GPHN: variants seen among roughly 807,000 people sequenced by gnomAD.
GPHN encodes the protein gephyrin.
Under a neutral mutation model 95.5 loss-of-function variants are expected in GPHN, and 17 were observed. That is an observed-to-expected ratio of 0.18 (90% CI 0.12 to 0.27). The LOEUF is 0.27. Among genes scored for constraint, GPHN ranks in the 10% least tolerant of loss-of-function variants. GPHN has a pLI of 1.00. For synonymous variants in GPHN, 320 were observed against 322.5 expected (o/e 0.99, Z 0.08); for missense variants, 660 against 978.1 (o/e 0.67, Z 4.34).
intron 1 of GPHN, among the ~76,000 whole-genome samples, chr14:66,585,152 C>A (rs1013040697): frequency 6.6e-6 from 1 of 152,126 alleles, no homozygotes. Context: ...TCCATTTCTT[C>A]TAGATTTTCT....
chr14:66,679,595 T>C (rs2153393748), intron 1 of GPHN, among the ~76,000 whole-genome samples: 1 of 152,350 alleles, frequency 6.6e-6, no homozygotes. Flanking sequence ...AAGTGTTTAA[T>C]TCCCACATAT....
the GPHN span, among the ~76,000 whole-genome samples, chr14:67,420,785 T>G: frequency 6.6e-6 from 1 of 152,224 alleles, no homozygotes; most frequent in Non-Finnish European, 1.5e-5. Context: ...CACAGTAGGG[T>G]GAAGGCAAAT....
chr14:67,143,256 C>G, intron 17 of GPHN, 106 bp from the exon 18 acceptor site: 1 of 766,274 alleles, frequency 1.3e-6, no homozygotes, highest in African/African-American at 1.7e-5. Context: ...TAGTGCTGTA[C>G]TCATGTTAAT....
chr14:67,729,547 C>T, the GPHN span: 6,967 of 703,854 alleles, frequency 9.9e-3, 63 homozygotes, highest in Middle Eastern at 0.022. Context: ...ACTTACAGTA[C>T]AAACTTATGT....
chr14:66,902,882 G>A (rs2065187292), intron 5 of GPHN, among the ~76,000 whole-genome samples: 1 of 152,050 alleles, frequency 6.6e-6, no homozygotes, highest in South Asian at 2.1e-4. Flanking sequence ...GAATGACTTT[G>A]AAAGTATTCC....
chr14:66,526,665 T>C (rs973835815), intron 1 of GPHN, among the ~76,000 whole-genome samples: 10 of 152,066 alleles, frequency 6.6e-5, no homozygotes, highest in Non-Finnish European at 2.9e-5. Flanking sequence ...CAATACCTAG[T>C]TTATTAGTTT....
At chr14:67,476,188 C>T in the GPHN span, among the ~76,000 whole-genome samples, 2 of 152,262 alleles carry the variant, frequency 1.3e-5, no homozygotes, top group African/African-American at 4.8e-5. Flanking sequence ...TCCAGCCTCA[C>T]ATTTCAGCTG....
At chr14:67,322,865 G>A in the GPHN span, among the ~76,000 whole-genome samples, 1 of 152,272 alleles carries the variant, frequency 6.6e-6, no homozygotes, top group Non-Finnish European at 1.5e-5. Context: ...AGCACACACA[G>A]TCATGCATTG....
At chr14:67,680,170 G>A in the GPHN span, among the ~76,000 whole-genome samples, 39 of 152,182 alleles carry the variant, frequency 2.6e-4, no homozygotes, top group Non-Finnish European at 4.9e-4. Context: ...ACTAAAGTTT[G>A]AGAAATACCA....
chr14:67,598,661 A>AG, the GPHN span, among the ~76,000 whole-genome samples: 1 of 151,828 alleles, frequency 6.6e-6, no homozygotes, highest in East Asian at 1.9e-4. Context: ...ATTAAATTTT[A>AG]GGGGGGCTAT....
chr14:67,338,513 G>C, the GPHN span: 19 of 1,241,094 alleles, frequency 1.5e-5, no homozygotes, highest in Non-Finnish European at 2.1e-5. Flanking sequence ...TTTACAACCA[G>C]TGAAATTCTT....
At chr14:67,171,229 A>G (rs1177799534) in intron 21 of GPHN, among the ~76,000 whole-genome samples, 2 of 152,118 alleles carry the variant, frequency 1.3e-5, no homozygotes. Context: ...TGAAAATAAA[A>G]TGTCATCCTT....
At chr14:67,719,097 G>A in the GPHN span, among the ~76,000 whole-genome samples, 1 of 152,220 alleles carries the variant, frequency 6.6e-6, no homozygotes, top group South Asian at 2.1e-4. Flanking sequence ...AAGGAAGGGG[G>A]ACTCCTCATA....
intron 12 of GPHN, among the ~76,000 whole-genome samples, chr14:67,099,309 A>G (rs2077565382): frequency 6.6e-6 from 1 of 151,956 alleles, no homozygotes; most frequent in Non-Finnish European, 1.5e-5. Flanking sequence ...TTTAGTAGAG[A>G]CGAGGTTTCT....
At chr14:66,640,759 T>C (rs185487194) in intron 1 of GPHN, among the ~76,000 whole-genome samples, 1 of 152,272 alleles carries the variant, frequency 6.6e-6, no homozygotes, top group African/African-American at 2.4e-5. Context: ...GGTAGCAAAT[T>C]AGTACTTCTG....
intron 9 of GPHN, among the ~76,000 whole-genome samples, chr14:67,003,653 G>A (rs2072400011): frequency 1.3e-5 from 2 of 151,608 alleles, no homozygotes; most frequent in Non-Finnish European, 3.0e-5. Context: ...TTGAAGGAGT[G>A]TATGAATTGA....
the GPHN span, among the ~76,000 whole-genome samples, chr14:67,655,790 A>G: frequency 6.6e-6 from 1 of 152,230 alleles, no homozygotes; most frequent in Non-Finnish European, 1.5e-5. Flanking sequence ...CAAAGAGAGA[A>G]TGCAGCCACT....
chr14:67,651,316 A>G, the GPHN span: 5 of 1,609,748 alleles, frequency 3.1e-6, no homozygotes, highest in African/African-American at 4.0e-5. Context: ...TGCTTATTCT[A>G]TCCACATCCC....
the GPHN span, chr14:67,650,324 C>T: frequency 4.1e-6 from 1 of 246,106 alleles, no homozygotes; most frequent in Admixed American, 5.1e-5. Flanking sequence ...ATACTTGATT[C>T]ATTTCCAGGC....
Sources: gnomAD v4.1 joint callset for allele counts (sites outside exome capture counted in the v4.1 genomes callset) on GRCh38, gnomAD v4.1.1 for gene constraint, MANE v1.5 for transcripts, NCBI Gene and HGNC (gene_info 2026-07-23, HGNC 2026-07-21) for gene names.